MXRA7: variants seen among roughly 807,000 people sequenced by gnomAD.
The protein encoded by MXRA7 is matrix remodeling associated 7.
MXRA7 carries 18 observed loss-of-function variants against 17.4 expected under a neutral mutation model. The observed-to-expected ratio is 1.03, with a 90% CI of 0.71 to 1.53. The LOEUF (loss-of-function observed/expected upper bound fraction) is 1.53. Among genes scored for constraint, MXRA7 ranks in the 40% most tolerant of loss-of-function variants. The pLI, the probability that MXRA7 is intolerant of heterozygous loss-of-function variation, is 0.00. For synonymous variants in MXRA7, 70 were observed against 101.7 expected (o/e 0.69, Z 1.87); for missense variants, 141 against 209.3 (o/e 0.67, Z 2.01).
rs545152205 is a variant in MXRA7, at chr17:76,707,555, C to T, written c.342+3050G>A. Among the ~76,000 whole-genome samples the T allele has an allele frequency of 2.6e-5, 4 of 152,236 alleles. No individual in the cohort carries two copies. In the East Asian group the frequency reaches 5.8e-4, roughly 22 times the overall value. Reference sequence around the variant, plus strand: ...CTGACCTCAGGTGATCCTCCTGCCTCGGCCTCCCAAAGTGCTGGGATTACA... The same window carrying T: ...CTGACCTCAGGTGATCCTCCTGCCTTGGCCTCCCAAAGTGCTGGGATTACA... On this transcript the variant is annotated intron_variant, in intron 1 of 3. Transcript: ENST00000449428.
At chr17:76,684,679 G>A (rs1236156026) in intron 3 of MXRA7, 1 of 446,502 alleles carries the variant, frequency 2.2e-6, no homozygotes, top group South Asian at 1.6e-5. Flanking sequence ...TGTCCCGAAG[G>A]AGAAATGGAG....
At chr17:76,698,958 T>G (rs1233434344) in intron 1 of MXRA7, among the ~76,000 whole-genome samples, 2 of 152,068 alleles carry the variant, frequency 1.3e-5, no homozygotes, top group Non-Finnish European at 2.9e-5. Flanking sequence ...TGACTTCAAG[T>G]GATCCGCCCA....
chr17:76,690,727 A>G (rs35504735), intron 1 of MXRA7, among the ~76,000 whole-genome samples: 55,251 of 151,834 alleles, frequency 0.36, 10,943 homozygotes, highest in Middle Eastern at 0.5. Context: ...TTGTTTTTTG[A>G]GACAGGATCT....
Position 76,681,949 on chromosome 17 carries a change from A to G in MXRA7, c.501-1070T>C, listed in dbSNP as rs2076310648. 6.6e-6 allele frequency among the ~76,000 whole-genome samples: 1 copy of G among 152,230 alleles called. No homozygotes were observed. The highest frequency in any genetic ancestry group is 6.5e-5 in the Admixed American group (1 of 15,286). On this transcript the variant is annotated intron_variant, in intron 3 of 3. Coordinates refer to ENST00000449428, the MANE Select transcript of MXRA7 (RefSeq NM_198530.4). This position sits in a 1 kb window ranked among gnomAD's most constrained non-coding sequence, Gnocchi z 4.7. ...GGAACCCAGGGACGCCACCAGAGGC[A>G]TGAAGTGTGTGAAACTCCGGCCCGA...
In MXRA7 at chr17:76,710,644, C is replaced by A. The variant is rs769911240; in HGVS notation, c.303G>T (p.Ala101=). 26 of 1,380,886 alleles carry A rather than the reference C, an allele frequency of 1.9e-5. No homozygotes were observed. The South Asian group carries it at 3.2e-4, about 17-fold the overall frequency. The allele number at this position is 1,380,886 out of a possible 1,614,324, so 85.5% of individuals were successfully genotyped here. ...CCGCCTGCTCCTCCGCCTCCGCTGG[C>A]GCCGCCGCGGGATCCCCTGGCCCTT... ...EPEGPGDPAA[A]PAEAEEQAVE... Residue 101 remains alanine (A), a synonymous_variant, in exon 1 of 4, where the codon GCG becomes GCT. Coordinates refer to ENST00000449428, the MANE Select transcript of MXRA7 (RefSeq NM_198530.4).
chr17:76,692,301 TG>T (rs1390297248), intron 1 of MXRA7, among the ~76,000 whole-genome samples: 1 of 151,728 alleles, frequency 6.6e-6, no homozygotes, highest in Non-Finnish European at 1.5e-5. Context: ...TTGCCCAGGT[TG>T]GAGTGCAATG....
intron 1 of MXRA7, among the ~76,000 whole-genome samples, chr17:76,704,138 A>G (rs62085146): frequency 0.46 from 67,468 of 146,588 alleles, 15,483 homozygotes; most frequent in Admixed American, 0.48. Flanking sequence ...TGCTTCTACC[A>G]CCCCGCAGCA....
intron 1 of MXRA7, among the ~76,000 whole-genome samples, chr17:76,705,787 C>G (rs1231116252): frequency 6.6e-6 from 1 of 152,214 alleles, no homozygotes; most frequent in African/African-American, 2.4e-5. Context: ...TCTTGGACTT[C>G]CCAGCCTCCA....
chr17:76,677,659 C>T (rs747497127), downstream of MXRA7: 7 of 1,613,998 alleles, frequency 4.3e-6, no homozygotes, highest in Non-Finnish European at 5.9e-6. Context: ...TCCTTGTTGT[C>T]TTTCATGAGC....
intron 1 of MXRA7, among the ~76,000 whole-genome samples, chr17:76,701,388 T>C (rs1417920300): frequency 1.3e-5 from 2 of 150,946 alleles, no homozygotes; most frequent in Non-Finnish European, 2.9e-5. Flanking sequence ...AGATGAGGAA[T>C]GCCGGGTGGA....
intron 1 of MXRA7, among the ~76,000 whole-genome samples, chr17:76,702,044 AT>A (rs2076596884): frequency 6.6e-6 from 1 of 152,236 alleles, no homozygotes; most frequent in Non-Finnish European, 1.5e-5. Context: ...ATCAGGGAAT[AT>A]CAGGTCGAAT....
chr17:76,677,756 A>G (rs1256598937), downstream of MXRA7: 29 of 1,319,378 alleles, frequency 2.2e-5, no homozygotes, highest in East Asian at 6.5e-4. Flanking sequence ...CACTGGGGAG[A>G]GAGGGAGCCT....
intron 1 of MXRA7, among the ~76,000 whole-genome samples, chr17:76,703,310 C>A (rs1410962818): frequency 6.6e-6 from 1 of 152,134 alleles, no homozygotes; most frequent in African/African-American, 2.4e-5. Flanking sequence ...TAAATACACA[C>A]ATACACAGGC....
chr17:76,693,709 T>C (rs1441343664), intron 1 of MXRA7, among the ~76,000 whole-genome samples: 2 of 151,924 alleles, frequency 1.3e-5, no homozygotes, highest in African/African-American at 2.4e-5. Flanking sequence ...TAGCTGGGCA[T>C]GGTGGGATGT....
chr17:76,708,725 T>A (rs2076688818), intron 1 of MXRA7, among the ~76,000 whole-genome samples: 1 of 152,082 alleles, frequency 6.6e-6, no homozygotes, highest in Non-Finnish European at 1.5e-5. Flanking sequence ...TGGCTTAATG[T>A]TTGCAGGCAG....
chr17:76,676,130 C>G (rs2076239361), downstream of MXRA7: 1 of 152,160 alleles, frequency 6.6e-6, no homozygotes, highest in Non-Finnish European at 1.5e-5. Context: ...AGAACAATCC[C>G]CTCCGGTGTC....
chr17:76,706,143 A>ACTGCCGTCACAGAGGTCCACG (rs2076653183), intron 1 of MXRA7, among the ~76,000 whole-genome samples: 1 of 54,252 alleles, frequency 1.8e-5, no homozygotes, highest in Non-Finnish European at 3.9e-5. Context: ...AAAGGACCAC[A>ACTGCCGTCACAGAGGTCCACG]CTGCCGTCAC....
At chr17:76,699,295 G>A (rs1415650332) in intron 1 of MXRA7, among the ~76,000 whole-genome samples, 1 of 152,092 alleles carries the variant, frequency 6.6e-6, no homozygotes, top group African/African-American at 2.4e-5. Context: ...ACAGGAGTGT[G>A]CCACAACACC....
chr17:76,698,520 G>A (rs1041393885), intron 1 of MXRA7, among the ~76,000 whole-genome samples: 7 of 152,176 alleles, frequency 4.6e-5, no homozygotes, highest in South Asian at 2.1e-4. Flanking sequence ...CTGGGGACAC[G>A]CAGGCTCCAC....
Sources: gnomAD v4.1 joint callset for allele counts (sites outside exome capture counted in the v4.1 genomes callset) on GRCh38, gnomAD v4.1.1 for gene constraint, Gnocchi (gnomAD v3.1) non-coding constraint, MANE v1.5 for transcripts, NCBI Gene and HGNC (gene_info 2026-07-23, HGNC 2026-07-21) for gene names.